The following CACNA2D3 variants were observed in gnomAD, a reference collection of about 807,000 sequenced individuals.
CACNA2D3 encodes the protein voltage-dependent calcium channel subunit alpha-2/delta-3.
In CACNA2D3, 60 loss-of-function variants were observed where a neutral mutation model predicts 160.6. The ratio of observed to expected loss-of-function variants is 0.37; its 90% CI spans 0.30 to 0.46. CACNA2D3 has a LOEUF of 0.46. Ranked by LOEUF, CACNA2D3 falls within the 20% of genes least tolerant of loss-of-function variation. The pLI is 1.00. For missense variants in CACNA2D3, 1,205 were observed against 1,365.0 expected (o/e 0.88, Z 1.85); for synonymous variants, 558 against 492.9 (o/e 1.13, Z -1.75).
chr3:55,067,545 T>C (rs1473202736), intron 35 of CACNA2D3, among the ~76,000 whole-genome samples: 2 of 152,228 alleles, frequency 1.3e-5, no homozygotes, highest in African/African-American at 4.8e-5. Flanking sequence ...ACTTTATACT[T>C]GTTTTAAGAA....
At chr3:54,204,807 A>G (rs868326137) in intron 2 of CACNA2D3, among the ~76,000 whole-genome samples, 9 of 150,586 alleles carry the variant, frequency 6.0e-5, no homozygotes, top group African/African-American at 2.2e-4. Flanking sequence ...AAAAAAAAAA[A>G]AAAAAAAAAA....
intron 2 of CACNA2D3, among the ~76,000 whole-genome samples, chr3:54,221,747 TATA>T (rs1270974656): frequency 6.6e-6 from 1 of 152,240 alleles, no homozygotes; most frequent in Non-Finnish European, 1.5e-5. Context: ...CTAGATTACT[TATA>T]ATAACTAATG....
At chr3:54,526,021 T>C (rs1701717720) in intron 5 of CACNA2D3, among the ~76,000 whole-genome samples, 1 of 136,682 alleles carries the variant, frequency 7.3e-6, no homozygotes, top group African/African-American at 2.5e-5. Flanking sequence ...GTTCATTTTT[T>C]CTGTTTTTTT....
intron 2 of CACNA2D3, among the ~76,000 whole-genome samples, chr3:54,139,172 C>T (rs1699872917): frequency 6.6e-6 from 1 of 152,232 alleles, no homozygotes; most frequent in African/African-American, 2.4e-5. Flanking sequence ...ACCTCATTTC[C>T]TGGTGCGTTC....
chr3:54,687,163 C>G (rs1485069253), intron 11 of CACNA2D3, among the ~76,000 whole-genome samples: 1 of 82,608 alleles, frequency 1.2e-5, no homozygotes, highest in Non-Finnish European at 2.4e-5. Flanking sequence ...TTTTTTGACA[C>G]TGGGCCTCAC....
In CACNA2D3 at chr3:54,440,579, G is replaced by A. The variant is rs555378549; in HGVS notation, c.381+53805G>A. Among the ~76,000 whole-genome samples the A allele has an allele frequency of 3.9e-5, 6 of 151,966 alleles. No homozygotes were observed. In the East Asian group the frequency reaches 7.8e-4, roughly 20 times the overall value. ...TATACATGTGCCATGCTGGTGTGCC[G>A]CACCCATTAACTCGTCATTTAACAT... On this transcript the variant is annotated intron_variant, in intron 4 of 37. Transcript: ENST00000474759.
At chr3:54,242,565 A>G (rs1251467945) in intron 2 of CACNA2D3, among the ~76,000 whole-genome samples, 2 of 152,220 alleles carry the variant, frequency 1.3e-5, no homozygotes, top group Non-Finnish European at 2.9e-5. Context: ...GGTTACTTGA[A>G]CACAAGCCCT....
chr3:54,438,568 C>T (rs184102639), intron 4 of CACNA2D3, among the ~76,000 whole-genome samples: 239 of 152,162 alleles, frequency 1.6e-3, no homozygotes, highest in Admixed American at 2.9e-3. Context: ...TTTAAAGGAA[C>T]GACTGAATTG....
chr3:54,879,046 C>T lies in CACNA2D3; in HGVS notation c.1739C>T (p.Thr580Met), dbSNP rs376151290. The change falls in exon 19 of 38, where the codon ACG (threonine) becomes ATG (methionine). Residue 580 changes from threonine (T) to methionine (M), a missense_variant. Thr to Met is a moderately conservative substitution (Grantham distance 81). This residue lies in a region of CACNA2D3 where 911 missense variants were observed against 1,002.2 expected (regional missense o/e 0.91). Transcript: ENST00000474759. Reference protein sequence around the residue: ...VLRNAMVNRKTGKFSMEVKKT... With the variant: ...VLRNAMVNRKMGKFSMEVKKT... Reference sequence around the variant, plus strand: ...AGAAATGCTATGGTGAATCGAAAGACGGGGAAGTTTTCCATGGAGGTGAAG... The same window carrying T: ...AGAAATGCTATGGTGAATCGAAAGATGGGGAAGTTTTCCATGGAGGTGAAG... The T allele has an allele frequency of 3.2e-5, 51 of 1,604,976 alleles. No individual in the cohort carries two copies. The highest frequency in any genetic ancestry group is 4.0e-5 in the African/African-American group (3 of 74,404).
intron 29 of CACNA2D3, among the ~76,000 whole-genome samples, chr3:54,977,343 C>G (rs1257023897): frequency 6.6e-6 from 1 of 152,108 alleles, no homozygotes; most frequent in Non-Finnish European, 1.5e-5. Flanking sequence ...CCAATGGCTT[C>G]CTGTGCGATT....
intron 4 of CACNA2D3, among the ~76,000 whole-genome samples, chr3:54,396,672 G>A (rs1336751272): frequency 1.7e-5 from 1 of 58,500 alleles, no homozygotes; most frequent in East Asian, 4.9e-4. Flanking sequence ...AAGCCCACTT[G>A]ATCATGGTGG....
intron 11 of CACNA2D3, among the ~76,000 whole-genome samples, chr3:54,678,636 G>T (rs946592224): frequency 2.1e-5 from 3 of 144,820 alleles, no homozygotes; most frequent in Non-Finnish European, 4.5e-5. Flanking sequence ...CAGAAGAATC[G>T]CTTGAAGCCG....
intron 5 of CACNA2D3, among the ~76,000 whole-genome samples, chr3:54,521,584 C>G (rs112865952): frequency 2.6e-5 from 4 of 152,130 alleles, no homozygotes; most frequent in Admixed American, 2.0e-4. Context: ...AATTTTGTTA[C>G]TCATACTATT....
At chr3:54,269,852 T>C (rs1702586699) in intron 2 of CACNA2D3, among the ~76,000 whole-genome samples, 1 of 152,210 alleles carries the variant, frequency 6.6e-6, no homozygotes, top group Non-Finnish European at 1.5e-5. Flanking sequence ...CAAAGACACT[T>C]AAAAATACAG....
At chr3:54,528,925 C>T (rs1701765845) in intron 5 of CACNA2D3, among the ~76,000 whole-genome samples, 1 of 152,210 alleles carries the variant, frequency 6.6e-6, no homozygotes, top group African/African-American at 2.4e-5. Flanking sequence ...TCCCATGTGG[C>T]CATGCTGGTG....
chr3:54,626,318 T>C, intron 9 of CACNA2D3: 1 of 1,552,840 alleles, frequency 6.4e-7, no homozygotes, highest in Non-Finnish European at 8.7e-7. Context: ...CTGATGCCGC[T>C]GTACAGTGCG....
intron 13 of CACNA2D3, among the ~76,000 whole-genome samples, chr3:54,765,604 T>TGAG (rs1327547548): frequency 3.3e-5 from 5 of 151,458 alleles, no homozygotes; most frequent in Non-Finnish European, 5.9e-5. Context: ...AAAATAGGAG[T>TGAG]GAGGAGGAGG....
At position 54,885,591 on chromosome 3, in the gene CACNA2D3, G is replaced by T; in HGVS notation, c.2056+5G>T. 1 of 1,607,286 alleles carries T rather than the reference G, an allele frequency of 6.2e-7. No individual in the cohort carries two copies. Among genetic ancestry groups the T allele is most frequent in the Non-Finnish European group, 8.5e-7 (1 of 1,175,116 alleles). ...GCAAAGAACCTCTGCTCCAGTGTGA[G>T]TATGCTTTCAAAAGTGTGCTGTGCC... On this transcript the variant is annotated splice_donor_5th_base_variant and intron_variant, in intron 23 of 37. Coordinates refer to ENST00000474759, the MANE Select transcript of CACNA2D3 (RefSeq NM_018398.3).
At chr3:54,576,080 C>T (rs954417243) in intron 8 of CACNA2D3, among the ~76,000 whole-genome samples, 1 of 152,188 alleles carries the variant, frequency 6.6e-6, no homozygotes, top group African/African-American at 2.4e-5. Context: ...AAATGAGTCT[C>T]AGCTTCAGGG....
Sources: allele counts gnomAD v4.1 joint callset (sites outside exome capture counted in the v4.1 genomes callset), GRCh38; gene constraint gnomAD v4.1.1; regional missense constraint gnomAD v4.1.1; transcripts MANE v1.5; gene names NCBI Gene and HGNC (gene_info 2026-07-23, HGNC 2026-07-21).